The following KMT2C variants were observed in gnomAD, a reference collection of about 807,000 sequenced individuals.
KMT2C encodes the protein histone-lysine N-methyltransferase 2C.
Under a neutral mutation model 507.9 loss-of-function variants are expected in KMT2C, and 88 were observed. That is an observed-to-expected ratio of 0.17 (90% CI 0.15 to 0.21). KMT2C has a LOEUF of 0.21. Among genes scored for constraint, KMT2C ranks in the 10% least tolerant of loss-of-function variants. KMT2C has a pLI of 1.00. For missense variants in KMT2C, 4,954 were observed against 5,957.8 expected (o/e 0.83, Z 5.55); for synonymous variants, 2,049 against 2,080.8 (o/e 0.98, Z 0.42).
chr7:152,275,069 T>C lies in KMT2C; in HGVS notation c.850-1202A>G, dbSNP rs2096057427. ...CACATGTTACTACACTGACTTTATA[T>C]TCTGCTAATTAACCAGGGACTACAG... On this transcript the variant is annotated intron_variant, in intron 6 of 58. Coordinates refer to ENST00000262189, the MANE Select transcript of KMT2C (RefSeq NM_170606.3). Among the ~76,000 whole-genome samples the C allele has an allele frequency of 3.3e-5, 5 of 152,220 alleles. No individual in the cohort carries two copies. The South Asian group carries it at 8.3e-4, about 25-fold the overall frequency.
At chr7:152,359,843 G>A (rs1338149603) in intron 1 of KMT2C, among the ~76,000 whole-genome samples, 15 of 151,998 alleles carry the variant, frequency 9.9e-5, no homozygotes, top group African/African-American at 2.7e-4. Context: ...GAGGTCAGGA[G>A]GTCACGAACA....
intron 6 of KMT2C, among the ~76,000 whole-genome samples, chr7:152,291,814 T>C (rs2096431591): frequency 6.6e-6 from 1 of 152,260 alleles, no homozygotes. Context: ...TTTAGAGCAA[T>C]TACTCTCGCT....
intron 7 of KMT2C, among the ~76,000 whole-genome samples, chr7:152,272,934 TAAA>T (rs1258969975): frequency 6.6e-6 from 1 of 151,770 alleles, no homozygotes; most frequent in Non-Finnish European, 1.5e-5. Context: ...AGAGGTGACA[TAAA>T]AAAGATTGAA....
intron 55 of KMT2C, among the ~76,000 whole-genome samples, chr7:152,143,387 C>A (rs1224030718): frequency 6.6e-6 from 1 of 152,190 alleles, no homozygotes; most frequent in Non-Finnish European, 1.5e-5. Context: ...AAACAAAGAA[C>A]AGAAGGGGAG....
At chr7:152,264,473 G>A (rs199902345) in intron 8 of KMT2C, among the ~76,000 whole-genome samples, 4 of 152,060 alleles carry the variant, frequency 2.6e-5, no homozygotes, top group Non-Finnish European at 4.4e-5. Flanking sequence ...CACATATTTC[G>A]TTTTGGAATT....
chr7:152,428,458 CAAAAAAAAA>C (rs140697569), intron 1 of KMT2C, among the ~76,000 whole-genome samples: 6 of 73,516 alleles, frequency 8.2e-5, no homozygotes, highest in African/African-American at 3.1e-4. Flanking sequence ...ACTAAAAATA[CAAAAAAAAA>C]AAAAAAAAAA....
chr7:152,349,275 G>A (rs189892807), intron 2 of KMT2C, among the ~76,000 whole-genome samples: 44 of 152,026 alleles, frequency 2.9e-4, no homozygotes, highest in Middle Eastern at 3.4e-3. Context: ...GAGAAACCCC[G>A]TCTCTACTAA....
Position 152,144,885 on chromosome 7 carries a change from C to T in KMT2C, c.14175-4G>A, listed in dbSNP as rs915977979. The T allele has an allele frequency of 2.5e-6, 4 of 1,603,780 alleles. No homozygotes were observed. The highest frequency in any genetic ancestry group is 8.5e-7 in the Non-Finnish European group (1 of 1,172,748). On this transcript the variant is annotated splice_region_variant and splice_polypyrimidine_tract_variant and intron_variant, in intron 54 of 58. Transcript: ENST00000262189. The surrounding 1 kb of genome is among the most constrained non-coding windows in gnomAD (Gnocchi z 4.4). ...GGTGCTGTTTAAGGTGTGAGGCCTG[C>T]AGACAATGGCATATCAACAGGAAAA...
intron 7 of KMT2C, among the ~76,000 whole-genome samples, chr7:152,271,007 C>T (rs1481513275): frequency 6.6e-6 from 1 of 152,154 alleles, no homozygotes; most frequent in Admixed American, 6.5e-5. Context: ...TAGGAAGCAA[C>T]AGAAAATACA....
At chr7:152,279,648 A>G (rs2129180820) in intron 6 of KMT2C, among the ~76,000 whole-genome samples, 1 of 152,326 alleles carries the variant, frequency 6.6e-6, no homozygotes, top group African/African-American at 2.4e-5. Flanking sequence ...TAATCATTCT[A>G]GTTGGCATAC....
intron 43 of KMT2C, among the ~76,000 whole-genome samples, chr7:152,160,994 A>G (rs367712151): frequency 1.6e-4 from 25 of 152,212 alleles, no homozygotes; most frequent in East Asian, 9.6e-4. Context: ...CCAGACGTAT[A>G]TAAGAAGGGA....
At chr7:152,364,038 A>C (rs1276158237) in intron 1 of KMT2C, among the ~76,000 whole-genome samples, 1 of 152,194 alleles carries the variant, frequency 6.6e-6, no homozygotes, top group Non-Finnish European at 1.5e-5. Context: ...AGCAGGGCTA[A>C]ATGAGCCACA....
intron 6 of KMT2C, among the ~76,000 whole-genome samples, chr7:152,288,847 C>T (rs1192264676): frequency 6.6e-6 from 1 of 152,244 alleles, no homozygotes; most frequent in Non-Finnish European, 1.5e-5. Flanking sequence ...AGATTTCTCA[C>T]CTGAAACCAT....
chr7:152,274,352 A>T (rs2096038478), intron 6 of KMT2C, among the ~76,000 whole-genome samples: 1 of 152,210 alleles, frequency 6.6e-6, no homozygotes, highest in Non-Finnish European at 1.5e-5. Context: ...ACAAATGGTT[A>T]AAGACTCACA....
chr7:152,201,115 C>T (rs895648052), intron 26 of KMT2C, among the ~76,000 whole-genome samples: 1 of 152,160 alleles, frequency 6.6e-6, no homozygotes, highest in Non-Finnish European at 1.5e-5. Flanking sequence ...AGCAAGAATT[C>T]TGTCTAATGA....
chr7:152,411,010 A>T (rs971201494), intron 1 of KMT2C, among the ~76,000 whole-genome samples: 5 of 151,550 alleles, frequency 3.3e-5, no homozygotes, highest in African/African-American at 1.2e-4. Context: ...CTCAAAAAAA[A>T]TATATATATG....
intron 1 of KMT2C, among the ~76,000 whole-genome samples, chr7:152,416,532 G>A (rs1197443114): frequency 1.3e-5 from 2 of 150,760 alleles, no homozygotes; most frequent in East Asian, 3.9e-4. Context: ...CTGGGCGACA[G>A]AGCAAGACTC....
chr7:152,254,406 AATTCAAAG>A (rs1403437701), intron 9 of KMT2C, among the ~76,000 whole-genome samples: 2 of 152,204 alleles, frequency 1.3e-5, no homozygotes, highest in Non-Finnish European at 2.9e-5. Context: ...TTATACAAGA[AATTCAAAG>A]ATATTTAATA....
At chr7:152,146,485 T>C in intron 53 of KMT2C, 114 bp downstream of exon 53, 2 of 997,080 alleles carry the variant, frequency 2.0e-6, no homozygotes, top group East Asian at 2.5e-5. Flanking sequence ...AACGGGTTAA[T>C]GCACAGGCTC....
Sources: allele counts gnomAD v4.1 joint callset (sites outside exome capture counted in the v4.1 genomes callset), GRCh38; gene constraint gnomAD v4.1.1; non-coding constraint Gnocchi (gnomAD v3.1); transcripts MANE v1.5; gene names NCBI Gene and HGNC (gene_info 2026-07-23, HGNC 2026-07-21).